Variants in CDK5RAP2 observed in about 807,000 individuals in gnomAD.
The protein encoded by CDK5RAP2 is CDK5 regulatory subunit associated protein 2, also known as CDK5 regulatory subunit-associated protein 2.
A neutral mutation model predicts 232.9 loss-of-function variants in CDK5RAP2; 147 were observed. The ratio of observed to expected loss-of-function variants is 0.63; its 90% CI spans 0.55 to 0.72. The LOEUF is 0.72. CDK5RAP2 is among the 30% of genes least tolerant of loss of function. The pLI is 0.00. For missense variants in CDK5RAP2, 2,195 were observed against 2,231.5 expected, an observed-to-expected ratio of 0.98 and a Z score of 0.33; for synonymous variants, 833 against 833.7, an observed-to-expected ratio of 1.00 and a Z score of 0.01.
intron 29 of CDK5RAP2, among the ~76,000 whole-genome samples, chr9:120,409,913 T>C (rs1217291432): frequency 1.3e-5 from 2 of 152,216 alleles, no homozygotes; most frequent in African/African-American, 2.4e-5. Context: ...ACATGTGTTA[T>C]TGTGTGGATT....
At chr9:120,398,088 G>A (rs1475805572) in intron 35 of CDK5RAP2, among the ~76,000 whole-genome samples, 1 of 152,176 alleles carries the variant, frequency 6.6e-6, no homozygotes, top group Non-Finnish European at 1.5e-5. Context: ...CCTTTAGCGG[G>A]CAAAGGTATC....
intron 7 of CDK5RAP2, among the ~76,000 whole-genome samples, chr9:120,531,869 A>G (rs1438105266): frequency 6.6e-6 from 1 of 152,248 alleles, no homozygotes; most frequent in Non-Finnish European, 1.5e-5. Context: ...GAAAACCTGG[A>G]AAGAGGTGTA....
chr9:120,526,260 G>A (rs10984941), intron 10 of CDK5RAP2, among the ~76,000 whole-genome samples: 12,394 of 152,118 alleles, frequency 0.081, 717 homozygotes, highest in East Asian at 0.28. Flanking sequence ...CATCTCATCT[G>A]GATGGTCCAC....
intron 12 of CDK5RAP2, among the ~76,000 whole-genome samples, chr9:120,500,009 GT>G (rs1564303779): frequency 1.3e-5 from 2 of 152,292 alleles, no homozygotes; most frequent in Non-Finnish European, 1.5e-5. Flanking sequence ...GTCAAGAAAA[GT>G]TTTTTGTTTT....
At chr9:120,467,683 T>TC (rs2037459998) in intron 18 of CDK5RAP2, among the ~76,000 whole-genome samples, 177 bp downstream of exon 18, 1 of 152,010 alleles carries the variant, frequency 6.6e-6, no homozygotes, top group Non-Finnish European at 1.5e-5. Context: ...TCTCGCTCTA[T>TC]CCCCCGGGCT....
intron 3 of CDK5RAP2, among the ~76,000 whole-genome samples, chr9:120,567,014 A>G (rs1173235005): frequency 6.6e-6 from 1 of 152,268 alleles, no homozygotes; most frequent in Non-Finnish European, 1.5e-5. Flanking sequence ...TTTAATATTA[A>G]AGTAACATAT....
chr9:120,423,748 T>C (rs745465560), intron 25 of CDK5RAP2, among the ~76,000 whole-genome samples: 2 of 152,190 alleles, frequency 1.3e-5, no homozygotes, highest in Non-Finnish European at 2.9e-5. Flanking sequence ...GAGACTATAA[T>C]TAAACTGCAC....
intron 25 of CDK5RAP2, 84 bp downstream of exon 25, chr9:120,437,211 A>G: frequency 3.2e-6 from 3 of 944,664 alleles, no homozygotes; most frequent in Non-Finnish European, 5.1e-6. Context: ...ACTAAGGCCA[A>G]GGAGTTAGCT....
rs1588236067 is a variant in CDK5RAP2, at chr9:120,401,856, C to T, written c.5307+950G>A. ...AAAATCAGCCGGGCATGGTGGCAGG[C>T]GCCTGTAATCCCAGCTACTAAAGAG... On this transcript the variant is annotated intron_variant, in intron 34 of 37. Transcript: ENST00000349780. Among the ~76,000 whole-genome samples, 3 of 151,844 alleles carry T rather than the reference C, an allele frequency of 2.0e-5. No homozygotes were observed. The East Asian group carries it at 5.8e-4, about 29-fold the overall frequency.
intron 29 of CDK5RAP2, among the ~76,000 whole-genome samples, chr9:120,410,181 T>C (rs1023930515): frequency 6.6e-6 from 1 of 152,178 alleles, no homozygotes; most frequent in Non-Finnish European, 1.5e-5. Context: ...AGCCAGTAGG[T>C]GGCAGAACCA....
At chr9:120,448,649 C>G (rs1404723531) in intron 21 of CDK5RAP2, among the ~76,000 whole-genome samples, 2 of 152,220 alleles carry the variant, frequency 1.3e-5, no homozygotes, top group African/African-American at 4.8e-5. Context: ...TACTCTTCAG[C>G]TCCATCACCC....
At chr9:120,493,596 C>G (rs2039011991) in intron 12 of CDK5RAP2, among the ~76,000 whole-genome samples, 1 of 152,112 alleles carries the variant, frequency 6.6e-6, no homozygotes, top group South Asian at 2.1e-4. Flanking sequence ...AAAATTTAAC[C>G]TGAATTTGAC....
chr9:120,444,511 A>ATGTT (rs1245061406), intron 22 of CDK5RAP2, among the ~76,000 whole-genome samples: 1 of 152,234 alleles, frequency 6.6e-6, no homozygotes, highest in African/African-American at 2.4e-5. Context: ...TGCTCAGGGA[A>ATGTT]TGTTCACTGA....
chr9:120,554,583 G>A (rs1012161639), intron 3 of CDK5RAP2, among the ~76,000 whole-genome samples: 1 of 152,174 alleles, frequency 6.6e-6, no homozygotes, highest in Non-Finnish European at 1.5e-5. Flanking sequence ...GTTTTTGAGA[G>A]AAGAAAATAA....
intron 22 of CDK5RAP2, among the ~76,000 whole-genome samples, chr9:120,444,306 T>C (rs925801420): frequency 2.6e-5 from 4 of 152,236 alleles, no homozygotes; most frequent in African/African-American, 9.6e-5. Context: ...ATGGGCAAAG[T>C]GCCAGGGCCT....
rs935298648 is a variant in CDK5RAP2, at chr9:120,491,599, A to T, written c.1312-122T>A. 8 of 654,420 alleles carry T rather than the reference A, an allele frequency of 1.2e-5. No homozygotes were observed. The East Asian group carries it at 2.2e-4, about 18-fold the overall frequency. The allele number at this position is 654,420 out of a possible 1,614,324, so 40.5% of individuals were successfully genotyped here. Reference sequence around the variant, plus strand: ...AATAGATGTATTTAAGGGAGTATACAAGTGTATATTTAAATCCTTCTCACT... The same window carrying T: ...AATAGATGTATTTAAGGGAGTATACTAGTGTATATTTAAATCCTTCTCACT... On this transcript the variant is annotated intron_variant, in intron 12 of 37. Coordinates refer to ENST00000349780, the MANE Select transcript of CDK5RAP2 (RefSeq NM_018249.6).
Position 120,552,849 on chromosome 9 carries a change from A to C in CDK5RAP2, c.196-1947T>G, listed in dbSNP as rs548969669. ...CCTAAAACTTAAAGTTTAATTTAAA[A>C]AAAAAAAAGAGTGCTGTGTCATGAC... On this transcript the variant is annotated intron_variant, in intron 3 of 37. Transcript: ENST00000349780. Among the ~76,000 whole-genome samples, 3 of 152,254 alleles carry C rather than the reference A, an allele frequency of 2.0e-5. No homozygotes were observed. In the South Asian group the frequency reaches 6.2e-4, roughly 32 times the overall value.
intron 4 of CDK5RAP2, among the ~76,000 whole-genome samples, chr9:120,550,586 G>A (rs1312459541): frequency 6.6e-6 from 1 of 152,198 alleles, no homozygotes; most frequent in African/African-American, 2.4e-5. Context: ...TTAAAAGACA[G>A]TGAAAGACTT....
At chr9:120,414,960 C>T in intron 28 of CDK5RAP2, 80 bp downstream of exon 28, 3 of 1,519,336 alleles carry the variant, frequency 2.0e-6, no homozygotes, top group South Asian at 2.2e-5. Flanking sequence ...CTGCTTTGTA[C>T]ACAGATGCTT....
Sources: gnomAD v4.1 joint callset for allele counts (sites outside exome capture counted in the v4.1 genomes callset) on GRCh38, gnomAD v4.1.1 for gene constraint, MANE v1.5 for transcripts, NCBI Gene and HGNC (gene_info 2026-07-23, HGNC 2026-07-21) for gene names.